Variants in IL12B observed in about 807,000 individuals in gnomAD.
IL12B encodes interleukin-12 subunit beta.
Under a neutral mutation model 39.2 loss-of-function variants are expected in IL12B, and 27 were observed. The observed-to-expected ratio is 0.69, with a 90% CI of 0.51 to 0.95. The LOEUF (loss-of-function observed/expected upper bound fraction) is 0.95. Ranked by LOEUF, IL12B falls within the 40% of genes least tolerant of loss-of-function variation. The pLI is 0.00. For synonymous variants in IL12B, 142 were observed against 152.1 expected, an observed-to-expected ratio of 0.93 and a Z score of 0.49; for missense variants, 351 against 397.6, an observed-to-expected ratio of 0.88 and a Z score of 1.00.
chr5:159,318,557 G>A (rs1754028620), intron 6 of IL12B, among the ~76,000 whole-genome samples, 179 bp downstream of exon 6: 1 of 152,070 alleles, frequency 6.6e-6, no homozygotes, highest in Non-Finnish European at 1.5e-5. Context: ...GGTTTGTGTG[G>A]GTACACCATA....
chr5:159,319,998 G>C (rs1434572909), intron 5 of IL12B, among the ~76,000 whole-genome samples: 1 of 152,200 alleles, frequency 6.6e-6, no homozygotes, highest in Non-Finnish European at 1.5e-5. Context: ...TAGGCTCTGG[G>C]ATTCATCATG....
At chr5:159,322,293 T>C in intron 4 of IL12B, 101 bp downstream of exon 4, 1 of 828,390 alleles carries the variant, frequency 1.2e-6, no homozygotes. Context: ...GACTTTGCTT[T>C]TCCCATTATC....
At chr5:159,327,954 C>T (rs983384001) in intron 1 of IL12B, among the ~76,000 whole-genome samples, 2 of 152,190 alleles carry the variant, frequency 1.3e-5, no homozygotes, top group Admixed American at 6.5e-5. Flanking sequence ...CAACTCCATT[C>T]ACCTTGCAGA....
Position 159,326,711 on chromosome 5 carries a change from C to G in IL12B, c.72G>C (p.Trp24Cys), listed in dbSNP as rs1562114938. Residue 24 changes from tryptophan to cysteine, a missense_variant, in exon 2 of 8, where the codon TGG becomes TGC. Physicochemically the swap from Trp to Cys is radical, Grantham distance 215. Transcript: ENST00000231228. The stretch of plus-strand genomic sequence containing the variant: ...GCTGGTTACCATCTTTCTTCAGTTC[C>G]CATATGGCCACGAGGGGAGATGCCA... Reference protein sequence around the residue: ...VFLASPLVAIWELKKDVYVVE... With the variant: ...VFLASPLVAICELKKDVYVVE... 6.2e-7 allele frequency: 1 copy of G among 1,612,078 alleles called. No homozygotes were observed. Among genetic ancestry groups the G allele is most frequent in the Non-Finnish European group, 8.5e-7 (1 of 1,178,310 alleles).
chr5:159,319,084 C>T (rs1754040339), intron 5 of IL12B, among the ~76,000 whole-genome samples, 191 bp from the exon 6 acceptor site: 1 of 152,180 alleles, frequency 6.6e-6, no homozygotes, highest in Non-Finnish European at 1.5e-5. Context: ...CTCGGGAAGG[C>T]AGTCATTATC....
intron 3 of IL12B, 147 bp from the exon 4 acceptor site, chr5:159,322,658 C>T: frequency 1.4e-6 from 1 of 696,552 alleles, no homozygotes; most frequent in Non-Finnish European, 2.6e-6. Flanking sequence ...TTGGGAGTAT[C>T]CCAGTGGGGT....
intron 2 of IL12B, among the ~76,000 whole-genome samples, chr5:159,324,303 C>T (rs1020619827): frequency 1.3e-5 from 2 of 152,052 alleles, no homozygotes; most frequent in East Asian, 1.9e-4. Flanking sequence ...TCTAAACTGG[C>T]CTTTGAGGAA....
chr5:159,317,921 C>T (rs953646518), intron 6 of IL12B: 6 of 152,306 alleles, frequency 3.9e-5, no homozygotes, highest in African/African-American at 1.2e-4. Flanking sequence ...GCCTTTCTGT[C>T]TGGCAGATTG....
At position 159,316,812 on chromosome 5, in the gene IL12B, T is replaced by C. The variant is rs146408881; in HGVS notation, c.860A>G (p.Asp287Gly). 2 of 1,613,886 alleles carry C rather than the reference T, an allele frequency of 1.2e-6. No individual in the cohort carries two copies. The highest frequency in any genetic ancestry group is 1.7e-6 in the Non-Finnish European group (2 of 1,180,038). Residue 287 changes from aspartate to glycine, a missense_variant, in exon 7 of 8, where the codon GAT (aspartate) becomes GGT (glycine). By Grantham distance (94) the Asp-to-Gly change is moderately conservative. Transcript: ENST00000231228. ...VQGKSKREKK[D>G]RVFTDKTSAT... ...TGAGGTCTTGTCCGTGAAGACTCTA[T>C]CTTTCTGCAAAAGAGAAGGAAAGCT...
chr5:159,320,873 A>G (rs924376530), intron 4 of IL12B, among the ~76,000 whole-genome samples: 1 of 152,224 alleles, frequency 6.6e-6, no homozygotes, highest in Non-Finnish European at 1.5e-5. Context: ...AAAGATGATA[A>G]AGATCCATAT....
chr5:159,320,353 T>C lies in IL12B; in HGVS notation c.650A>G (p.Lys217Arg). The C allele has an allele frequency of 6.2e-7, 1 of 1,614,118 alleles. No individual in the cohort carries two copies. The highest frequency in any genetic ancestry group is 8.5e-7 in the Non-Finnish European group (1 of 1,180,012). ...PIEVMVDAVH[K>R]LKYENYTSSF... ...GCTGGTGTAGTTTTCATACTTGAGC[T>C]TGTGAACGGCATCCACCATGACCTC... Residue 217 changes from lysine (K) to arginine (R), a missense_variant, in exon 5 of 8, where the codon AAG (lysine) becomes AGG (arginine). By Grantham distance (26) the Lys-to-Arg change is conservative. Coordinates refer to ENST00000231228, the MANE Select transcript of IL12B (RefSeq NM_002187.3).
At chr5:159,320,006 A>G (rs1754058975) in intron 5 of IL12B, among the ~76,000 whole-genome samples, 1 of 152,214 alleles carries the variant, frequency 6.6e-6, no homozygotes, top group Non-Finnish European at 1.5e-5. Flanking sequence ...GGGATTCATC[A>G]TGGAAACTAT....
At position 159,316,688 on chromosome 5, in the gene IL12B, A is replaced by C; in HGVS notation, c.984T>G (p.Ser328Arg). The part of the protein sequence containing the change: ...SWSEWASVPC[S>R] ...TGGCCTTTGAGGGCCTGCTCACCTA[A>C]CTGCAGGGCACAGATGCCCATTCGC... The change falls in exon 7 of 8, where the codon AGT becomes AGG. Residue 328 changes from serine to arginine, a missense_variant. Physicochemically the swap from Ser to Arg is moderately radical, Grantham distance 110. Coordinates refer to ENST00000231228, the MANE Select transcript of IL12B (RefSeq NM_002187.3). The C allele has an allele frequency of 6.2e-7, 1 of 1,612,406 alleles. No individual in the cohort carries two copies. Among genetic ancestry groups the C allele is most frequent in the Non-Finnish European group, 8.5e-7 (1 of 1,179,462 alleles).
chr5:159,328,459 T>C (rs1754227950), intron 1 of IL12B, among the ~76,000 whole-genome samples: 1 of 152,174 alleles, frequency 6.6e-6, no homozygotes, highest in East Asian at 1.9e-4. Flanking sequence ...CTAATACTTA[T>C]CTCAAAGGCT....
intron 1 of IL12B, among the ~76,000 whole-genome samples, chr5:159,329,555 A>G (rs1277206443): frequency 6.6e-6 from 1 of 152,172 alleles, no homozygotes; most frequent in Non-Finnish European, 1.5e-5. Context: ...GCCATGGATC[A>G]TGTCTATCTT....
At chr5:159,326,631 T>C in intron 2 of IL12B, 64 bp downstream of exon 2, 2 of 1,165,442 alleles carry the variant, frequency 1.7e-6, no homozygotes, top group Non-Finnish European at 1.3e-6. Context: ...TTCCCACCAG[T>C]GGCTGCCCAA....
intron 5 of IL12B, among the ~76,000 whole-genome samples, chr5:159,319,652 T>G (rs1394059301): frequency 6.6e-6 from 1 of 152,240 alleles, no homozygotes; most frequent in African/African-American, 2.4e-5. Context: ...ACATCTTTCC[T>G]TTTGGTGTCA....
chr5:159,317,579 G>A (rs1754008887), intron 6 of IL12B, among the ~76,000 whole-genome samples: 2 of 152,200 alleles, frequency 1.3e-5, no homozygotes, highest in Admixed American at 6.5e-5. Flanking sequence ...TTAAAAGTGG[G>A]GTGAAAGGAG....
intron 4 of IL12B, among the ~76,000 whole-genome samples, chr5:159,321,611 T>C (rs1208955285): frequency 6.6e-6 from 1 of 152,168 alleles, no homozygotes; most frequent in Admixed American, 6.5e-5. Context: ...TGACTGCACA[T>C]TAAGCAAGAG....
Sources: gnomAD v4.1 joint callset for allele counts (sites outside exome capture counted in the v4.1 genomes callset) on GRCh38, gnomAD v4.1.1 for gene constraint, MANE v1.5 for transcripts, NCBI Gene and HGNC (gene_info 2026-07-23, HGNC 2026-07-21) for gene names.